Variants in PIK3CA observed in about 807,000 individuals in gnomAD.
PIK3CA encodes phosphatidylinositol-4,5-bisphosphate 3-kinase catalytic subunit alpha.
Under a neutral mutation model 138.2 loss-of-function variants are expected in PIK3CA, and 27 were observed. The ratio of observed to expected loss-of-function variants is 0.20; its 90% CI spans 0.14 to 0.27. PIK3CA has a LOEUF of 0.27. Among genes scored for constraint, PIK3CA ranks in the 10% least tolerant of loss-of-function variants. PIK3CA has a pLI of 1.00. For synonymous variants in PIK3CA, 358 were observed against 413.2 expected (o/e 0.87, Z 1.62); for missense variants, 544 against 1,277.4 (o/e 0.43, Z 8.75).
intron 20 of PIK3CA, among the ~76,000 whole-genome samples, chr3:179,233,713 T>C (rs1387856813): frequency 6.6e-6 from 1 of 152,202 alleles, no homozygotes; most frequent in African/African-American, 2.4e-5. Flanking sequence ...CATTAGACTA[T>C]ATCAGACTTT....
chr3:179,231,830 A>G (rs981173478), intron 20 of PIK3CA, among the ~76,000 whole-genome samples: 15 of 151,554 alleles, frequency 9.9e-5, no homozygotes, highest in Non-Finnish European at 1.8e-4. Flanking sequence ...TTTAGTAGAG[A>G]CGGGGTTTCA....
intron 1 of PIK3CA, among the ~76,000 whole-genome samples, chr3:179,164,037 A>G (rs2108357107): frequency 6.6e-6 from 1 of 152,346 alleles, no homozygotes; most frequent in Admixed American, 6.5e-5. Context: ...ACTGTTTAAC[A>G]TCTCCCGTGG....
At chr3:179,207,533 CTTTAA>C (rs67935713) in intron 6 of PIK3CA, among the ~76,000 whole-genome samples, 27,818 of 150,718 alleles carry the variant, frequency 0.18, 2,861 homozygotes, top group Non-Finnish European at 0.25. Context: ...AGTAATATAT[CTTTAA>C]TTTTTCTTTT....
intron 1 of PIK3CA, among the ~76,000 whole-genome samples, chr3:179,165,795 T>C (rs994141955): frequency 6.6e-6 from 1 of 152,200 alleles, no homozygotes. Context: ...TGGACCCCTG[T>C]TCTTGTGCTC....
chr3:179,160,356 C>G (rs1053252058), intron 1 of PIK3CA, among the ~76,000 whole-genome samples: 1 of 150,084 alleles, frequency 6.7e-6, no homozygotes, highest in Non-Finnish European at 1.5e-5. Context: ...ATTTGCCATC[C>G]TTTCAGTTGG....
intron 1 of PIK3CA, among the ~76,000 whole-genome samples, chr3:179,191,066 G>T (rs907497721): frequency 2.6e-5 from 4 of 152,162 alleles, no homozygotes; most frequent in Admixed American, 6.5e-5. Flanking sequence ...CCAGAGATGG[G>T]GTTCACAATT....
At chr3:179,204,174 G>C (rs1724496094) in intron 5 of PIK3CA, among the ~76,000 whole-genome samples, 1 of 152,150 alleles carries the variant, frequency 6.6e-6, no homozygotes, top group Non-Finnish European at 1.5e-5. Context: ...TGCTTCACCA[G>C]CTAAGGAAGT....
chr3:179,223,204 C>G (rs1304772126), intron 14 of PIK3CA, among the ~76,000 whole-genome samples: 1 of 152,150 alleles, frequency 6.6e-6, no homozygotes, highest in Non-Finnish European at 1.5e-5. Flanking sequence ...GATTTTCTAA[C>G]TATTCATTTG....
At chr3:179,198,380 A>G (rs1469304655) in intron 1 of PIK3CA, among the ~76,000 whole-genome samples, 1 of 152,200 alleles carries the variant, frequency 6.6e-6, no homozygotes, top group Non-Finnish European at 1.5e-5. Flanking sequence ...TTTCCGTAAG[A>G]TAGAAGAGAA....
At chr3:179,175,090 C>T (rs151074991) in intron 1 of PIK3CA, among the ~76,000 whole-genome samples, 51 of 152,320 alleles carry the variant, frequency 3.3e-4, no homozygotes, top group Non-Finnish European at 5.9e-5. Flanking sequence ...ACACCTGCTT[C>T]CTGTGTTGAA....
Position 179,219,812 on chromosome 3 carries a change from A to T in PIK3CA, c.1911+77A>T. 1 of 1,436,578 alleles carries T rather than the reference A, an allele frequency of 7.0e-7. No individual in the cohort carries two copies. The highest frequency in any genetic ancestry group is 9.5e-7 in the Non-Finnish European group (1 of 1,052,460). 89.0% of individuals were successfully genotyped at this position (1,436,578 alleles called of 1,614,324 possible). ...CTAGATCCATACAACTTCCTTTTAAAAAACCTACTGCACTAACTAGTTTTA... is the reference window on the plus strand; with the variant it reads ...CTAGATCCATACAACTTCCTTTTAATAAACCTACTGCACTAACTAGTTTTA... On this transcript the variant is annotated intron_variant, in intron 12 of 20. Transcript: ENST00000263967. This position sits in a 1 kb window ranked among gnomAD's most constrained non-coding sequence, Gnocchi z 4.2.
At chr3:179,218,108 A>G in intron 9 of PIK3CA, 102 bp from the exon 10 acceptor site, 1 of 1,141,036 alleles carries the variant, frequency 8.8e-7, no homozygotes. Context: ...AGCAATGTAA[A>G]ATTTATTGAA....
intron 1 of PIK3CA, among the ~76,000 whole-genome samples, chr3:179,170,698 GAT>G (rs1448161972): frequency 1.3e-5 from 2 of 152,120 alleles, no homozygotes; most frequent in African/African-American, 4.8e-5. Flanking sequence ...TATTATTAGA[GAT>G]AAAGAGGAAC....
rs1404490929 is a variant in PIK3CA at position 179,220,613 on chromosome 3, CAAG to C, written c.2016-369_2016-367del. On this transcript the variant is annotated intron_variant, in intron 13 of 20. Coordinates refer to ENST00000263967, the MANE Select transcript of PIK3CA (RefSeq NM_006218.4). This position sits in a 1 kb window ranked among gnomAD's most constrained non-coding sequence, Gnocchi z 4.1. ...TGGAACCCAGAAGTTAAGTTGAAAACAAGAAGCATAGGCGTGTGTCAGAAGAGT... is the reference window on the plus strand; with the variant it reads ...TGGAACCCAGAAGTTAAGTTGAAAACAAGCATAGGCGTGTGTCAGAAGAGT... Among the ~76,000 whole-genome samples the C allele has an allele frequency of 6.6e-6, 1 of 152,054 alleles. No homozygotes were observed. The highest frequency in any genetic ancestry group is 1.5e-5 in the Non-Finnish European group (1 of 67,986).
At chr3:179,171,717 T>C (rs1161612434) in intron 1 of PIK3CA, among the ~76,000 whole-genome samples, 1 of 152,092 alleles carries the variant, frequency 6.6e-6, no homozygotes, top group Admixed American at 6.5e-5. Flanking sequence ...AATAGACCTA[T>C]ATAGAGTAAA....
rs1227389466 is a variant in PIK3CA at position 179,203,548 on chromosome 3, T to C, written c.818T>C (p.Ile273Thr). 6.2e-7 allele frequency: 1 copy of C among 1,613,220 alleles called. No individual in the cohort carries two copies. The highest frequency in any genetic ancestry group is 1.1e-5 in the South Asian group (1 of 91,034). ...CGCCCCCTTAATCTCTTACAGTATATAAGAAGCTGTATAATGCTTGGGAGG... is the reference window on the plus strand; with the variant it reads ...CGCCCCCTTAATCTCTTACAGTATACAAGAAGCTGTATAATGCTTGGGAGG... Reference protein sequence around the residue: ...EKYPLSQYKYIRSCIMLGRMP... With the variant: ...EKYPLSQYKYTRSCIMLGRMP... Residue 273 changes from isoleucine to threonine, a missense_variant, in exon 5 of 21, where the codon ATA becomes ACA. Coordinates refer to ENST00000263967, the MANE Select transcript of PIK3CA (RefSeq NM_006218.4).
intron 1 of PIK3CA, among the ~76,000 whole-genome samples, chr3:179,162,434 C>T (rs1306820878): frequency 2.0e-5 from 3 of 152,044 alleles, no homozygotes; most frequent in Admixed American, 1.3e-4. Context: ...TGGTCTTGAA[C>T]TCCTGGGCTC....
At chr3:179,224,236 G>A (rs2108417161) in intron 15 of PIK3CA, 49 bp downstream of exon 15, 2 of 905,360 alleles carry the variant, frequency 2.2e-6, no homozygotes, top group Non-Finnish European at 3.4e-6. Context: ...TACCTTTTCT[G>A]GATAAAATCT....
At chr3:179,173,335 G>C (rs1489581319) in intron 1 of PIK3CA, among the ~76,000 whole-genome samples, 2 of 143,108 alleles carry the variant, frequency 1.4e-5, no homozygotes, top group African/African-American at 5.3e-5. Context: ...GAGGCGGGTT[G>C]ATCACGAGGT....
Sources: allele counts gnomAD v4.1 joint callset (sites outside exome capture counted in the v4.1 genomes callset), GRCh38; gene constraint gnomAD v4.1.1; non-coding constraint Gnocchi (gnomAD v3.1); transcripts MANE v1.5; gene names NCBI Gene and HGNC (gene_info 2026-07-23, HGNC 2026-07-21).